KIRREL3: variants seen among roughly 807,000 people sequenced by gnomAD.
KIRREL3 encodes the protein kin of IRRE-like protein 3.
Under a neutral mutation model 89.7 loss-of-function variants are expected in KIRREL3, and 36 were observed. The ratio of observed to expected loss-of-function variants is 0.40; its 90% CI spans 0.31 to 0.53. The LOEUF is 0.53. KIRREL3 is among the 20% of genes least tolerant of loss of function. KIRREL3 has a pLI of 0.49. For synonymous variants in KIRREL3, 445 were observed against 441.4 expected (o/e 1.01, Z -0.10); for missense variants, 864 against 1,056.6 (o/e 0.82, Z 2.53).
rs1949237658 is a variant in KIRREL3 at position 126,965,500 on chromosome 11, T to C, written c.55+34955A>G. On this transcript the variant is annotated intron_variant, in intron 1 of 16. Transcript: ENST00000525144. This position sits in a 1 kb window ranked among gnomAD's most constrained non-coding sequence, Gnocchi z 4.4. ...CTTCTCAGTAACAAGATGCTGGTAC[T>C]GAGAAACCAGTATCCTGGAACCCTA... Among the ~76,000 whole-genome samples the C allele has an allele frequency of 6.6e-6, 1 of 152,176 alleles. No homozygotes were observed. Among genetic ancestry groups the C allele is most frequent in the South Asian group, 2.1e-4 (1 of 4,826 alleles).
chr11:126,630,532 G>A (rs1247049271), intron 1 of KIRREL3, among the ~76,000 whole-genome samples: 1 of 152,124 alleles, frequency 6.6e-6, no homozygotes, highest in Admixed American at 6.5e-5. Flanking sequence ...CTTTGGTCTT[G>A]GACTGGGAAA....
rs1430480371 is a variant in KIRREL3 at position 126,763,919 on chromosome 11, C to A, written c.56-201007G>T. Among the ~76,000 whole-genome samples, 10 of 152,070 alleles carry A rather than the reference C, an allele frequency of 6.6e-5. No individual in the cohort carries two copies. The highest frequency in any genetic ancestry group is 1.5e-4 in the Non-Finnish European group (10 of 68,008). ...ACATTCCCACTCTCTTACCTTCTGCCCCCTGAATTTTTCCTCTCTTTTCCT... is the reference window on the plus strand; with the variant it reads ...ACATTCCCACTCTCTTACCTTCTGCACCCTGAATTTTTCCTCTCTTTTCCT... On this transcript the variant is annotated intron_variant, in intron 1 of 16. Coordinates refer to ENST00000525144, the MANE Select transcript of KIRREL3 (RefSeq NM_032531.4). The surrounding 1 kb of genome is among the most constrained non-coding windows in gnomAD (Gnocchi z 4.7).
Position 126,508,961 on chromosome 11 carries a change from G to A in KIRREL3, c.433+12354C>T, listed in dbSNP as rs1040265105. Among the ~76,000 whole-genome samples the A allele has an allele frequency of 1.9e-4, 29 of 152,140 alleles. No individual in the cohort carries two copies. The highest frequency in any genetic ancestry group is 7.0e-4 in the African/African-American group (29 of 41,412). ...AAGCTGCCCTTTCTGTGCATAGAAG[G>A]TGTGGCTGAACTTAGATCTCCTCAT... On this transcript the variant is annotated intron_variant, in intron 4 of 16. Transcript: ENST00000525144. This position sits in a 1 kb window ranked among gnomAD's most constrained non-coding sequence, Gnocchi z 4.9.
Position 126,555,689 on chromosome 11 carries a change from G to T in KIRREL3, c.133+7146C>A, listed in dbSNP as rs1326830129. On this transcript the variant is annotated intron_variant, in intron 2 of 16. Transcript: ENST00000525144. The surrounding 1 kb of genome is among the most constrained non-coding windows in gnomAD (Gnocchi z 4.2). ...TTTAAGGGGGTAGGATGAAGTCAGA[G>T]GTAGGTAGGAACCAGATCACGTGGC... is the stretch of plus-strand genomic sequence containing the variant. Among the ~76,000 whole-genome samples, 1 of 152,110 alleles carries T rather than the reference G, an allele frequency of 6.6e-6. No individual in the cohort carries two copies. Among genetic ancestry groups the T allele is most frequent in the African/African-American group, 2.4e-5 (1 of 41,418 alleles).
intron 1 of KIRREL3, among the ~76,000 whole-genome samples, chr11:126,963,225 G>T (rs1265966536): frequency 6.6e-6 from 1 of 152,044 alleles, no homozygotes; most frequent in East Asian, 1.9e-4. Context: ...TTGTGGAAGA[G>T]ATCTAGCCTT....
intron 8 of KIRREL3, 131 bp from the exon 9 acceptor site, chr11:126,447,017 G>A: frequency 8.9e-6 from 10 of 1,129,470 alleles, no homozygotes; most frequent in South Asian, 6.2e-5. Flanking sequence ...TGCCACCTCA[G>A]TCGCTTCCAT....
chr11:126,819,925 G>A (rs1416512341), intron 1 of KIRREL3, among the ~76,000 whole-genome samples: 1 of 152,210 alleles, frequency 6.6e-6, no homozygotes, highest in Non-Finnish European at 1.5e-5. Context: ...TCAGGGTCCA[G>A]GACACCTGGG....
At chr11:126,511,920 C>A (rs1958235734) in intron 4 of KIRREL3, among the ~76,000 whole-genome samples, 1 of 152,204 alleles carries the variant, frequency 6.6e-6, no homozygotes, top group Admixed American at 6.5e-5. Context: ...CCCTGTGCAG[C>A]TGCAGCTCCC....
rs1950297593 is a variant in KIRREL3 at position 127,000,719 on chromosome 11, C to T, written c.-210G>A. 1 of 521,780 alleles carries T rather than the reference C, an allele frequency of 1.9e-6. No individual in the cohort carries two copies. The highest frequency in any genetic ancestry group is 3.4e-6 in the Non-Finnish European group (1 of 294,912). 32.3% of individuals were successfully genotyped at this position (521,780 alleles called of 1,614,324 possible). ...ACAAACTGCCTGTTCTTAGCCGCCT[C>T]GGGAAGCCGGGATTGTCAGCAATGT... is the stretch of plus-strand genomic sequence containing the variant. On this transcript the variant is annotated 5_prime_UTR_variant, in exon 1 of 17. Transcript: ENST00000525144. The surrounding 1 kb of genome is among the most constrained non-coding windows in gnomAD (Gnocchi z 7.1).
chr11:126,915,379 G>A (rs528818674), intron 1 of KIRREL3, among the ~76,000 whole-genome samples: 89 of 151,112 alleles, frequency 5.9e-4, no homozygotes, highest in Middle Eastern at 6.8e-3. Flanking sequence ...TTTAAAGCTC[G>A]CTGCTTGTAA....
At position 126,845,953 on chromosome 11, in the gene KIRREL3, CA is replaced by C. The variant is rs200708646; in HGVS notation, c.55+154501del. On this transcript the variant is annotated intron_variant, in intron 1 of 16. Transcript: ENST00000525144. Reference sequence around the variant, plus strand: ...ACCTTGTTTGGGGGGAAAAAACACACAAAAAAAACACAAAAAACCTCTGTTT... The same window carrying C: ...ACCTTGTTTGGGGGGAAAAAACACACAAAAAAACACAAAAAACCTCTGTTT... Among the ~76,000 whole-genome samples, 8 of 151,672 alleles carry C rather than the reference CA, an allele frequency of 5.3e-5. No homozygotes were observed. The South Asian group carries it at 6.3e-4, about 12-fold the overall frequency.
Position 126,709,174 on chromosome 11 carries a change from T to A in KIRREL3, c.56-146262A>T, listed in dbSNP as rs1369881161. Among the ~76,000 whole-genome samples, 9 of 152,220 alleles carry A rather than the reference T, an allele frequency of 5.9e-5. No homozygotes were observed. Among genetic ancestry groups the A allele is most frequent in the Non-Finnish European group, 1.2e-4 (8 of 68,042 alleles). On this transcript the variant is annotated intron_variant, in intron 1 of 16. Coordinates refer to ENST00000525144, the MANE Select transcript of KIRREL3 (RefSeq NM_032531.4). This position sits in a 1 kb window ranked among gnomAD's most constrained non-coding sequence, Gnocchi z 4.0. ...CGTCAACGACCATATAAAGTGTGTT[T>A]GATTATCCTTAAGCAAAAAGGTCAA...
Position 126,669,196 on chromosome 11 carries a change from C to T in KIRREL3, c.56-106284G>A, listed in dbSNP as rs1945825195. ...CATCTTGTTTGTTATGGCAAGAATT[C>T]CCTTTAGTGACTAGTGTTGGGAGTT... is the stretch of plus-strand genomic sequence containing the variant. On this transcript the variant is annotated intron_variant, in intron 1 of 16. Transcript: ENST00000525144. This position sits in a 1 kb window ranked among gnomAD's most constrained non-coding sequence, Gnocchi z 5.0. Among the ~76,000 whole-genome samples the T allele has an allele frequency of 6.6e-6, 1 of 152,050 alleles. No individual in the cohort carries two copies. The highest frequency in any genetic ancestry group is 2.1e-4 in the South Asian group (1 of 4,822).
intron 4 of KIRREL3, among the ~76,000 whole-genome samples, chr11:126,494,806 C>G (rs1244533317): frequency 6.6e-6 from 1 of 152,160 alleles, no homozygotes; most frequent in Non-Finnish European, 1.5e-5. Flanking sequence ...GCGCAGGCTG[C>G]CAAGGAAAGA....
chr11:126,581,139 T>G (rs1426284673), intron 1 of KIRREL3, among the ~76,000 whole-genome samples: 1 of 152,072 alleles, frequency 6.6e-6, no homozygotes, highest in Non-Finnish European at 1.5e-5. Context: ...GGGCCTCCTC[T>G]CATTGATTAA....
rs1300474985 is a variant in KIRREL3, at chr11:126,528,506, T to G, written c.134-1819A>C. Among the ~76,000 whole-genome samples the G allele has an allele frequency of 6.6e-6, 1 of 152,216 alleles. No homozygotes were observed. The highest frequency in any genetic ancestry group is 1.5e-5 in the Non-Finnish European group (1 of 68,032). On this transcript the variant is annotated intron_variant, in intron 2 of 16. Coordinates refer to ENST00000525144, the MANE Select transcript of KIRREL3 (RefSeq NM_032531.4). This position sits in a 1 kb window ranked among gnomAD's most constrained non-coding sequence, Gnocchi z 4.6. Reference sequence around the variant, plus strand: ...GCCGAGTTCACAACCTGACAAGATCTTGGCAGGGTCTCCGAGGAGTCTCAT... The same window carrying G: ...GCCGAGTTCACAACCTGACAAGATCGTGGCAGGGTCTCCGAGGAGTCTCAT...
intron 1 of KIRREL3, among the ~76,000 whole-genome samples, chr11:126,951,505 G>A (rs1408119920): frequency 6.6e-6 from 1 of 152,150 alleles, no homozygotes; most frequent in Non-Finnish European, 1.5e-5. Context: ...ATTATCGGGG[G>A]TATCTGCTGC....
intron 1 of KIRREL3, among the ~76,000 whole-genome samples, chr11:126,899,452 G>A (rs149552069): frequency 1.9e-3 from 296 of 152,314 alleles, no homozygotes; most frequent in African/African-American, 6.6e-3. Flanking sequence ...AAGGAAGGAG[G>A]GAGGTGAAAG....
At chr11:126,461,455 C>T (rs1956538762) in intron 6 of KIRREL3, among the ~76,000 whole-genome samples, 1 of 152,172 alleles carries the variant, frequency 6.6e-6, no homozygotes. Context: ...AGCTCCGCGG[C>T]CCTGGCTGCT....
Sources: allele counts gnomAD v4.1 joint callset (sites outside exome capture counted in the v4.1 genomes callset), GRCh38; gene constraint gnomAD v4.1.1; non-coding constraint Gnocchi (gnomAD v3.1); transcripts MANE v1.5; gene names NCBI Gene and HGNC (gene_info 2026-07-23, HGNC 2026-07-21).